Variants in LRBA observed in about 807,000 individuals in gnomAD.
LRBA encodes lipopolysaccharide-responsive and beige-like anchor protein.
A neutral mutation model predicts 330.0 loss-of-function variants in LRBA; 176 were observed. That is an observed-to-expected ratio of 0.53 (90% CI 0.47 to 0.60). The LOEUF is 0.60. Ranked by LOEUF, LRBA falls within the 20% of genes least tolerant of loss-of-function variation. The pLI, the probability that LRBA is intolerant of heterozygous loss-of-function variation, is 0.00. For synonymous variants in LRBA, 1,230 were observed against 1,193.0 expected (o/e 1.03, Z -0.64); for missense variants, 3,259 against 3,444.8 (o/e 0.95, Z 1.35).
At chr4:150,904,368 A>AT (rs1376074220) in intron 13 of LRBA, among the ~76,000 whole-genome samples, 4 of 152,228 alleles carry the variant, frequency 2.6e-5, no homozygotes. Flanking sequence ...AGCAGATAAA[A>AT]CCCCTTGTGG....
intron 40 of LRBA, among the ~76,000 whole-genome samples, chr4:150,566,083 G>T (rs754611831): frequency 1.3e-5 from 2 of 148,310 alleles, no homozygotes; most frequent in Non-Finnish European, 3.0e-5. Flanking sequence ...AAAAAATGTA[G>T]TCAGGCATGG....
At position 150,625,687 on chromosome 4, in the gene LRBA, T is replaced by TTATA. The variant is rs374872258; in HGVS notation, c.5922-26560_5922-26557dup. On this transcript the variant is annotated intron_variant, in intron 37 of 56. Transcript: ENST00000651943. ...TTGTGGTGGAATCCTGGTACCGAGA[T>TTATA]TATATATATATATATATATAATTAT... Among the ~76,000 whole-genome samples the TTATA allele has an allele frequency of 2.3e-3, 331 of 144,942 alleles. 2 individuals carry two copies. The highest frequency in any genetic ancestry group is 6.7e-3 in the African/African-American group (266 of 39,606).
At chr4:150,397,956 A>G (rs1744971215) in intron 47 of LRBA, among the ~76,000 whole-genome samples, 1 of 152,222 alleles carries the variant, frequency 6.6e-6, no homozygotes, top group African/African-American at 2.4e-5. Flanking sequence ...AATGAACAAA[A>G]TCCCATTAAA....
Position 150,435,676 on chromosome 4 carries a change from T to C in LRBA, c.6954A>G (p.Gln2318=). ...GATCTGCATGATCAAATTTGCCTCCTTGCAAATTTAGGAAATAAGTTGTAA... is the reference window on the plus strand; with the variant it reads ...GATCTGCATGATCAAATTTGCCTCCCTGCAAATTTAGGAAATAAGTTGTAA... ...EPFTTYFLNL[Q]GGKFDHADRT... is the part of the protein sequence containing the mutation. Residue 2318 remains glutamine, a synonymous_variant, in exon 46 of 57, where the codon CAA becomes CAG. Transcript: ENST00000651943. 1 of 1,611,176 alleles carries C rather than the reference T, an allele frequency of 6.2e-7. No individual in the cohort carries two copies. The highest frequency in any genetic ancestry group is 8.5e-7 in the Non-Finnish European group (1 of 1,178,890).
chr4:150,955,790 G>A (rs1737484611), intron 2 of LRBA, among the ~76,000 whole-genome samples: 1 of 148,268 alleles, frequency 6.7e-6, no homozygotes, highest in South Asian at 2.1e-4. Flanking sequence ...TACTTGGGAG[G>A]CTGAGACAGG....
intron 36 of LRBA, among the ~76,000 whole-genome samples, chr4:150,722,228 G>A (rs1282685894): frequency 6.6e-6 from 1 of 152,024 alleles, no homozygotes; most frequent in African/African-American, 2.4e-5. Context: ...AAGTTAAGCA[G>A]AATGCCATTC....
At chr4:150,977,566 C>G (rs1740336023) in intron 2 of LRBA, among the ~76,000 whole-genome samples, 1 of 152,084 alleles carries the variant, frequency 6.6e-6, no homozygotes, top group Non-Finnish European at 1.5e-5. Flanking sequence ...TCACCTCGGA[C>G]ACAGTGGTGT....
At chr4:150,791,922 G>A (rs1231304009) in intron 34 of LRBA, among the ~76,000 whole-genome samples, 4 of 150,970 alleles carry the variant, frequency 2.6e-5, no homozygotes, top group Admixed American at 2.0e-4. Flanking sequence ...CCAGCTGCTC[G>A]GGAGGCTGAG....
intron 41 of LRBA, among the ~76,000 whole-genome samples, chr4:150,489,669 ATATATATTATATATAAGAATATAT>A: frequency 8.0e-6 from 1 of 125,448 alleles, no homozygotes; most frequent in Non-Finnish European, 1.6e-5. Context: ...ATATATAAGA[ATATATATTATATATAAGAATATAT>A]TATATATTAT....
chr4:150,884,683 G>A (rs1170938656), intron 17 of LRBA, among the ~76,000 whole-genome samples: 4 of 151,850 alleles, frequency 2.6e-5, no homozygotes, highest in African/African-American at 9.7e-5. Flanking sequence ...ACTAAATGAG[G>A]CAAATTATTT....
intron 53 of LRBA, among the ~76,000 whole-genome samples, chr4:150,290,309 G>GA (rs1728094573): frequency 6.6e-6 from 1 of 151,478 alleles, no homozygotes; most frequent in African/African-American, 2.4e-5. Context: ...ACCAAACGAA[G>GA]AACAAGAAAA....
At chr4:150,622,636 T>C (rs1279658438) in intron 37 of LRBA, among the ~76,000 whole-genome samples, 2 of 149,096 alleles carry the variant, frequency 1.3e-5, no homozygotes, top group African/African-American at 5.0e-5. Context: ...AGCTTCAGCC[T>C]AAAGGCAACA....
At chr4:150,327,810 C>T (rs1296760686) in intron 48 of LRBA, among the ~76,000 whole-genome samples, 1 of 152,128 alleles carries the variant, frequency 6.6e-6, no homozygotes, top group Non-Finnish European at 1.5e-5. Flanking sequence ...TTGGTGTATT[C>T]CCCACTTAAC....
chr4:150,467,421 T>C (rs995776272), intron 44 of LRBA, among the ~76,000 whole-genome samples: 2 of 152,230 alleles, frequency 1.3e-5, no homozygotes, highest in African/African-American at 4.8e-5. Flanking sequence ...ATATTTTAAA[T>C]ACCACAATTT....
intron 36 of LRBA, among the ~76,000 whole-genome samples, chr4:150,685,650 G>A (rs1783550951): frequency 1.3e-5 from 2 of 151,000 alleles, no homozygotes; most frequent in South Asian, 4.2e-4. Flanking sequence ...GCCCAGGCTG[G>A]TCTTGAATTC....
intron 36 of LRBA, among the ~76,000 whole-genome samples, chr4:150,688,612 G>T (rs753299516): frequency 2.2e-4 from 33 of 151,468 alleles, no homozygotes; most frequent in Non-Finnish European, 3.6e-4. Flanking sequence ...TTACAAGAAA[G>T]AAACAATCCC....
At chr4:150,477,009 T>C (rs531870803) in intron 42 of LRBA, among the ~76,000 whole-genome samples, 1 of 152,290 alleles carries the variant, frequency 6.6e-6, no homozygotes, top group South Asian at 2.1e-4. Flanking sequence ...TTGGTCTTAA[T>C]GGCCCTGACT....
At position 150,803,064 on chromosome 4, in the gene LRBA, AAC is replaced by A. The variant is rs1423651529; in HGVS notation, c.5518+3205_5518+3206del. On this transcript the variant is annotated intron_variant, in intron 33 of 56. Coordinates refer to ENST00000651943, the MANE Select transcript of LRBA (RefSeq NM_001364905.1). ...AAAACTAAAAACAAAAACAAAAACAAACAAAAAAAAAATATATATACACACAC... is the reference window on the plus strand; with the variant it reads ...AAAACTAAAAACAAAAACAAAAACAAAAAAAAAAAATATATATACACACAC... Among the ~76,000 whole-genome samples, 34 of 95,832 alleles carry A rather than the reference AAC, an allele frequency of 3.5e-4. No homozygotes were observed. The South Asian group carries it at 5.4e-3, about 15-fold the overall frequency. The allele number at this position is 95,832 out of a possible 152,430, so 62.9% of individuals were successfully genotyped here.
intron 47 of LRBA, among the ~76,000 whole-genome samples, chr4:150,401,370 T>A (rs901310556): frequency 6.6e-6 from 1 of 152,172 alleles, no homozygotes; most frequent in Non-Finnish European, 1.5e-5. Context: ...AAATGACACA[T>A]AAGGAAAGCA....
Sources: allele counts gnomAD v4.1 joint callset (sites outside exome capture counted in the v4.1 genomes callset), GRCh38; gene constraint gnomAD v4.1.1; transcripts MANE v1.5; gene names NCBI Gene and HGNC (gene_info 2026-07-23, HGNC 2026-07-21).